The following SLC25A21 variants were observed in gnomAD, a reference collection of about 807,000 sequenced individuals.
SLC25A21 encodes solute carrier family 25 member 21.
Under a neutral mutation model 43.8 loss-of-function variants are expected in SLC25A21, and 47 were observed. That is an observed-to-expected ratio of 1.07 (90% CI 0.85 to 1.37). The LOEUF is 1.37. Ranked by LOEUF, SLC25A21 falls within the 40% of genes most tolerant of loss-of-function variation. The pLI is 0.00. For missense variants in SLC25A21, 352 were observed against 350.2 expected, an observed-to-expected ratio of 1.00 and a Z score of -0.04; for synonymous variants, 131 against 121.3, an observed-to-expected ratio of 1.08 and a Z score of -0.52.
intron 1 of SLC25A21, among the ~76,000 whole-genome samples, chr14:37,128,520 GTCTC>G (rs539530734): frequency 6.2e-4 from 84 of 134,578 alleles, no homozygotes; most frequent in African/African-American, 2.3e-3. Flanking sequence ...ATTACTTTCT[GTCTC>G]TCTCTCTCTC....
intron 2 of SLC25A21, among the ~76,000 whole-genome samples, chr14:36,869,179 T>C (rs1435011940): frequency 2.0e-5 from 3 of 152,126 alleles, no homozygotes; most frequent in African/African-American, 7.2e-5. Context: ...TTTAGAAATA[T>C]CAAAGTGAAT....
chr14:36,963,972 T>A (rs1485245160), intron 1 of SLC25A21, among the ~76,000 whole-genome samples: 1 of 152,178 alleles, frequency 6.6e-6, no homozygotes, highest in Non-Finnish European at 1.5e-5. Flanking sequence ...GTATGTTTGC[T>A]TATTTGCAAA....
intron 1 of SLC25A21, among the ~76,000 whole-genome samples, chr14:36,925,769 C>T (rs1310850363): frequency 2.0e-5 from 3 of 152,118 alleles, no homozygotes; most frequent in Non-Finnish European, 2.9e-5. Flanking sequence ...ATTGCTTGAA[C>T]CCAGGGGGCA....
At chr14:36,759,469 C>A (rs1221936877) in intron 3 of SLC25A21, among the ~76,000 whole-genome samples, 1 of 152,184 alleles carries the variant, frequency 6.6e-6, no homozygotes, top group Non-Finnish European at 1.5e-5. Flanking sequence ...CCTGATTTTA[C>A]AAACTATCCA....
At chr14:36,680,800 T>C (rs1348258111) in intron 9 of SLC25A21, 81 bp from the exon 10 acceptor site, 1 of 1,291,102 alleles carries the variant, frequency 7.7e-7, no homozygotes. Flanking sequence ...GAATCCATGA[T>C]GTCTCGCACA....
At chr14:36,705,249 G>A (rs1194857850) in intron 7 of SLC25A21, among the ~76,000 whole-genome samples, 2 of 151,540 alleles carry the variant, frequency 1.3e-5, no homozygotes, top group African/African-American at 4.9e-5. Context: ...GCTTCACTGT[G>A]TTAGTCAGGA....
chr14:36,955,354 T>C (rs1241773980), intron 1 of SLC25A21, among the ~76,000 whole-genome samples: 2 of 152,346 alleles, frequency 1.3e-5, no homozygotes, highest in East Asian at 3.9e-4. Context: ...ATTACTTTTG[T>C]ACTGTGATAA....
intron 3 of SLC25A21, among the ~76,000 whole-genome samples, chr14:36,802,358 A>C (rs189251139): frequency 6.6e-6 from 1 of 152,316 alleles, no homozygotes; most frequent in African/African-American, 2.4e-5. Flanking sequence ...AGAGTTCTAC[A>C]TATTTACATA....
Position 36,679,432 on chromosome 14 carries a change from G to A in SLC25A21, c.*1226C>T, listed in dbSNP as rs188526122. Reference sequence around the variant, plus strand: ...TAGCCCCGTAGTAGAAATAGCCCACGGTAGTAACTTAGGACAGGTGTCATA... The same window carrying A: ...TAGCCCCGTAGTAGAAATAGCCCACAGTAGTAACTTAGGACAGGTGTCATA... On this transcript the variant is annotated 3_prime_UTR_variant, in exon 10 of 10. Coordinates refer to ENST00000331299, the MANE Select transcript of SLC25A21 (RefSeq NM_030631.4). The A allele has an allele frequency of 6.3e-4, 625 of 985,086 alleles. 1 individual carries two copies. The African/African-American group carries it at 9.4e-3, about 15-fold the overall frequency. The allele number at this position is 985,086 out of a possible 1,614,324, so 61.0% of individuals were successfully genotyped here.
At chr14:37,055,141 C>CAG (rs1961793639) in intron 1 of SLC25A21, among the ~76,000 whole-genome samples, 1 of 152,174 alleles carries the variant, frequency 6.6e-6, no homozygotes, top group African/African-American at 2.4e-5. Context: ...GAGGAAAGGA[C>CAG]AGAGAATTAT....
At chr14:36,864,935 T>C (rs1354959583) in intron 2 of SLC25A21, among the ~76,000 whole-genome samples, 3 of 152,156 alleles carry the variant, frequency 2.0e-5, no homozygotes, top group African/African-American at 4.8e-5. Flanking sequence ...TATTTTTGAA[T>C]CCTATAGGTT....
intron 1 of SLC25A21, among the ~76,000 whole-genome samples, chr14:37,077,623 A>G (rs1962307291): frequency 6.6e-6 from 1 of 152,196 alleles, no homozygotes; most frequent in Admixed American, 6.5e-5. Flanking sequence ...ATACTACCCT[A>G]CACTGGGTAA....
intron 1 of SLC25A21, among the ~76,000 whole-genome samples, chr14:36,928,007 C>T (rs934442920): frequency 3.9e-5 from 6 of 151,960 alleles, no homozygotes; most frequent in Non-Finnish European, 7.4e-5. Flanking sequence ...CTAGAGCCCC[C>T]GAAGTTATAA....
intron 2 of SLC25A21, among the ~76,000 whole-genome samples, chr14:36,863,490 G>A (rs1301460200): frequency 6.6e-6 from 1 of 152,060 alleles, no homozygotes; most frequent in Non-Finnish European, 1.5e-5. Context: ...TCTAGGGGGC[G>A]ATTTTAAAAA....
At chr14:36,915,486 T>C (rs1396274725) in intron 1 of SLC25A21, among the ~76,000 whole-genome samples, 2 of 152,100 alleles carry the variant, frequency 1.3e-5, no homozygotes, top group African/African-American at 2.4e-5. Context: ...CATTTCGCCA[T>C]GGAACCAGAA....
At chr14:36,726,520 C>T (rs565378186) in intron 5 of SLC25A21, among the ~76,000 whole-genome samples, 38 of 152,066 alleles carry the variant, frequency 2.5e-4, no homozygotes, top group African/African-American at 8.0e-4. Context: ...TTCTGAAAGG[C>T]TCAAATAAAA....
chr14:37,084,329 C>T (rs1365119468), intron 1 of SLC25A21, among the ~76,000 whole-genome samples: 1 of 152,176 alleles, frequency 6.6e-6, no homozygotes, highest in African/African-American at 2.4e-5. Flanking sequence ...AGATGATATA[C>T]TCCTCCTTAA....
chr14:36,718,877 C>G (rs367591991), intron 6 of SLC25A21, among the ~76,000 whole-genome samples: 1 of 152,066 alleles, frequency 6.6e-6, no homozygotes, highest in Admixed American at 6.5e-5. Flanking sequence ...TTGGGCTGAA[C>G]ATCTTTAAAG....
At chr14:36,824,909 T>C (rs1450885074) in intron 2 of SLC25A21, among the ~76,000 whole-genome samples, 5 of 150,386 alleles carry the variant, frequency 3.3e-5, no homozygotes, top group Non-Finnish European at 5.9e-5. Context: ...GCCAGGGGTA[T>C]AGACTATGAA....
Sources: gnomAD v4.1 joint callset for allele counts (sites outside exome capture counted in the v4.1 genomes callset) on GRCh38, gnomAD v4.1.1 for gene constraint, MANE v1.5 for transcripts, NCBI Gene and HGNC (gene_info 2026-07-23, HGNC 2026-07-21) for gene names.